The following COMMD1 variants were observed in gnomAD, a reference collection of about 807,000 sequenced individuals.
COMMD1 encodes the protein copper metabolism domain containing 1.
A neutral mutation model predicts 17.2 loss-of-function variants in COMMD1; 10 were observed. The ratio of observed to expected loss-of-function variants is 0.58; its 90% confidence interval spans 0.36 to 0.99. The LOEUF is 0.99. COMMD1 is among the 50% of genes least tolerant of loss of function. The pLI, the probability that COMMD1 is intolerant of heterozygous loss-of-function variation, is 0.01. For synonymous variants in COMMD1, 97 were observed against 91.6 expected, an observed-to-expected ratio of 1.06 and a Z score of -0.34; for missense variants, 270 against 231.8, an observed-to-expected ratio of 1.17 and a Z score of -1.07.
At chr2:61,926,667 A>G (rs750771167) in intron 1 of COMMD1, among the ~76,000 whole-genome samples, 19 of 152,182 alleles carry the variant, frequency 1.2e-4, no homozygotes, top group Middle Eastern at 3.2e-3. Flanking sequence ...TGAGCTTGAG[A>G]CAATACAAAG....
chr2:62,021,810 A>G (rs574893582), intron 2 of COMMD1, among the ~76,000 whole-genome samples: 1 of 152,210 alleles, frequency 6.6e-6, no homozygotes, highest in Non-Finnish European at 1.5e-5. Context: ...AAAGTCATAC[A>G]TGCTTTCAAA....
In COMMD1 at chr2:62,077,805, A is replaced by G. The variant is rs186510803; in HGVS notation, c.463-58026A>G. Among the ~76,000 whole-genome samples, 13 of 152,232 alleles carry G rather than the reference A, an allele frequency of 8.5e-5. No homozygotes were observed. In the East Asian group the frequency reaches 2.5e-3, roughly 29 times the overall value. ...TTGGTTTTATACATTTTAGGGAGAC[A>G]TGAAGCTTCAAGGAAATACATTTCA... is the stretch of plus-strand genomic sequence containing the variant. On this transcript the variant is annotated intron_variant, in intron 2 of 2. Coordinates refer to ENST00000311832, the MANE Select transcript of COMMD1 (RefSeq NM_152516.4).
chr2:62,100,744 G>A (rs1672155711), intron 2 of COMMD1, among the ~76,000 whole-genome samples: 1 of 152,158 alleles, frequency 6.6e-6, no homozygotes, highest in African/African-American at 2.4e-5. Flanking sequence ...AGAGACAATA[G>A]ATGAAAAATA....
intron 1 of COMMD1, among the ~76,000 whole-genome samples, chr2:61,933,021 A>G (rs930620159): frequency 3.9e-5 from 6 of 152,020 alleles, no homozygotes; most frequent in African/African-American, 1.4e-4. Flanking sequence ...AGGGTAGTAT[A>G]TGTGGAGGAT....
intron 2 of COMMD1, among the ~76,000 whole-genome samples, chr2:62,016,864 T>C (rs1312555456): frequency 1.3e-5 from 2 of 152,232 alleles, no homozygotes; most frequent in East Asian, 1.9e-4. Flanking sequence ...CTTAGGTCTT[T>C]GATCCACTCG....
chr2:62,115,860 C>CTTTCT (rs1250758968), intron 2 of COMMD1, among the ~76,000 whole-genome samples: 19 of 43,362 alleles, frequency 4.4e-4, no homozygotes, highest in Non-Finnish European at 6.9e-4. Flanking sequence ...TTCTTTCTTT[C>CTTTCT]TTTTTTTTTT....
At chr2:62,080,165 G>T (rs1671477544) in intron 2 of COMMD1, among the ~76,000 whole-genome samples, 1 of 151,820 alleles carries the variant, frequency 6.6e-6, no homozygotes, top group Non-Finnish European at 1.5e-5. Flanking sequence ...TGAAGATGAA[G>T]ACTTGGGCCA....
At chr2:62,092,812 C>T (rs538576227) in intron 2 of COMMD1, among the ~76,000 whole-genome samples, 8 of 152,216 alleles carry the variant, frequency 5.3e-5, no homozygotes, top group Middle Eastern at 3.4e-3. Context: ...CTCCCTGTTA[C>T]GATTTCACAG....
In COMMD1 at chr2:62,136,015, A is replaced by C; in HGVS notation, c.*74A>C. On this transcript the variant is annotated 3_prime_UTR_variant, in exon 3 of 3. Coordinates refer to ENST00000311832, the MANE Select transcript of COMMD1 (RefSeq NM_152516.4). ...TCCCTCCCCACTGACCTTTTCTAAG[A>C]AAATTCTTGTGCCCGCATTGGTATT... The C allele has an allele frequency of 1.2e-6, 1 of 800,536 alleles. No individual in the cohort carries two copies. The highest frequency in any genetic ancestry group is 1.4e-5 in the South Asian group (1 of 73,658). The allele number at this position is 800,536 out of a possible 1,614,324, so 49.6% of individuals were successfully genotyped here.
At chr2:62,083,146 C>T (rs1173233641) in intron 2 of COMMD1, among the ~76,000 whole-genome samples, 1 of 152,178 alleles carries the variant, frequency 6.6e-6, no homozygotes, top group Non-Finnish European at 1.5e-5. Flanking sequence ...GTAGTCCCAT[C>T]TACTCGACAT....
intron 1 of COMMD1, among the ~76,000 whole-genome samples, chr2:61,937,126 C>G (rs1670626089): frequency 6.6e-6 from 1 of 152,112 alleles, no homozygotes; most frequent in African/African-American, 2.4e-5. Context: ...AAGGTTTTAT[C>G]CTGCAGATAA....
intron 2 of COMMD1, chr2:62,069,822 A>G (rs1418140120): frequency 6.6e-6 from 1 of 152,246 alleles, no homozygotes; most frequent in Non-Finnish European, 1.5e-5. Context: ...AAGCTGTTGA[A>G]TTCAGACTAT....
At chr2:61,950,640 C>T (rs1040625381) in intron 1 of COMMD1, among the ~76,000 whole-genome samples, 14 of 152,252 alleles carry the variant, frequency 9.2e-5, no homozygotes, top group Admixed American at 9.2e-4. Flanking sequence ...TTGCCAGCAT[C>T]GCTATTTTTG....
At chr2:62,107,685 C>T (rs961093258) in intron 2 of COMMD1, among the ~76,000 whole-genome samples, 1 of 152,204 alleles carries the variant, frequency 6.6e-6, no homozygotes, top group Non-Finnish European at 1.5e-5. Context: ...AAAGCCTTGA[C>T]CACCACATTG....
intron 1 of COMMD1, among the ~76,000 whole-genome samples, chr2:61,919,161 G>A (rs1037188226): frequency 5.9e-5 from 9 of 151,786 alleles, no homozygotes. Context: ...ACAGGCATGC[G>A]CCACCATGCC....
intron 2 of COMMD1, among the ~76,000 whole-genome samples, chr2:62,038,831 G>A (rs572967720): frequency 6.6e-6 from 1 of 152,190 alleles, no homozygotes; most frequent in Non-Finnish European, 1.5e-5. Flanking sequence ...TTACAGGTGT[G>A]AGGCATCACT....
chr2:62,001,017 CTG>C lies in COMMD1; in HGVS notation c.462+37_462+38del, dbSNP rs745845230. ...ACTTAAGTCAATTTTCCTTTGTAAACTGTATTTTTCACTACATGTTAGCTTGT... is the reference window on the plus strand; with the variant it reads ...ACTTAAGTCAATTTTCCTTTGTAAACTATTTTTCACTACATGTTAGCTTGT... On this transcript the variant is annotated intron_variant, in intron 2 of 2. Transcript: ENST00000311832. The C allele has an allele frequency of 5.0e-5, 79 of 1,589,712 alleles. No individual in the cohort carries two copies. The South Asian group carries it at 7.5e-4, about 15-fold the overall frequency.
intron 2 of COMMD1, among the ~76,000 whole-genome samples, chr2:62,049,321 C>G (rs1037428998): frequency 1.3e-5 from 2 of 152,030 alleles, no homozygotes; most frequent in Admixed American, 1.3e-4. Flanking sequence ...GGGAAAATCC[C>G]AAATAAGATT....
At chr2:62,029,885 G>A (rs1291954708) in intron 2 of COMMD1, among the ~76,000 whole-genome samples, 1 of 152,214 alleles carries the variant, frequency 6.6e-6, no homozygotes, top group African/African-American at 2.4e-5. Context: ...TTACCGACAA[G>A]AAGCAGATTG....
Sources: allele counts gnomAD v4.1 joint callset (sites outside exome capture counted in the v4.1 genomes callset), GRCh38; gene constraint gnomAD v4.1.1; transcripts MANE v1.5; gene names NCBI Gene and HGNC (gene_info 2026-07-23, HGNC 2026-07-21).